The following FLNB variants were observed in gnomAD, a reference collection of about 807,000 sequenced individuals.
FLNB encodes the protein filamin-B.
A neutral mutation model predicts 250.6 loss-of-function variants in FLNB; 111 were observed. The observed-to-expected ratio is 0.44, with a 90% CI of 0.38 to 0.52. The LOEUF (loss-of-function observed/expected upper bound fraction) is 0.52. Among genes scored for constraint, FLNB ranks in the 20% least tolerant of loss-of-function variants. The pLI is 0.00. For missense variants in FLNB, 2,869 were observed against 3,447.8 expected (o/e 0.83, Z 4.20); for synonymous variants, 1,302 against 1,372.1 (o/e 0.95, Z 1.13).
At chr3:58,090,954 T>C (rs1310675586) in intron 4 of FLNB, among the ~76,000 whole-genome samples, 1 of 151,986 alleles carries the variant, frequency 6.6e-6, no homozygotes, top group Non-Finnish European at 1.5e-5. Context: ...GGTGGGTGCC[T>C]GTAGTCCCAG....
At position 58,112,285 on chromosome 3, in the gene FLNB, C is replaced by T; in HGVS notation, c.2712C>T (p.Tyr904=). 3.7e-6 allele frequency: 6 copies of T among 1,613,916 alleles called. No individual in the cohort carries two copies. The highest frequency in any genetic ancestry group is 4.2e-6 in the Non-Finnish European group (5 of 1,180,034). ...KDLDIIDNYD[Y]SHTVKYTPTQ... is the part of the protein sequence containing the mutation. ...TGGATATCATCGATAATTATGACTA[C>T]TCTCACACGGTTAAATATACACCCA... The change falls in exon 18 of 46, where the codon TAC becomes TAT. Residue 904 remains tyrosine, a synonymous_variant. Coordinates refer to ENST00000295956, the MANE Select transcript of FLNB (RefSeq NM_001457.4).
intron 4 of FLNB, among the ~76,000 whole-genome samples, chr3:58,086,954 T>C (rs1034288236): frequency 3.9e-5 from 6 of 151,994 alleles, no homozygotes; most frequent in African/African-American, 1.4e-4. Flanking sequence ...TTACCAAAAA[T>C]ACAAAAATTA....
chr3:58,129,058 C>T (rs1388996631), intron 24 of FLNB, among the ~76,000 whole-genome samples: 1 of 152,204 alleles, frequency 6.6e-6, no homozygotes, highest in Admixed American at 6.5e-5. Context: ...GGCTACCTGC[C>T]ACCTTCTAAT....
intron 1 of FLNB, among the ~76,000 whole-genome samples, chr3:58,064,627 C>T (rs1289653172): frequency 6.6e-6 from 1 of 151,986 alleles, no homozygotes; most frequent in Non-Finnish European, 1.5e-5. Context: ...TCCCTGATTC[C>T]CTCAAGGAGT....
intron 1 of FLNB, among the ~76,000 whole-genome samples, chr3:58,058,988 C>T (rs549695475): frequency 6.6e-6 from 1 of 152,270 alleles, no homozygotes; most frequent in East Asian, 1.9e-4. Flanking sequence ...TTTAAACATC[C>T]GCTAGTCCAA....
At chr3:58,025,133 C>CTTTTTTTTTTTTTTT in intron 1 of FLNB, among the ~76,000 whole-genome samples, 1 of 116,550 alleles carries the variant, frequency 8.6e-6, no homozygotes, top group African/African-American at 3.4e-5. Context: ...TTCTTTCTTT[C>CTTTTTTTTTTTTTTT]TTTTTTTTTT....
chr3:58,111,718 C>A, intron 16 of FLNB, 73 bp from the exon 17 acceptor site: 1 of 1,098,300 alleles, frequency 9.1e-7, no homozygotes, highest in South Asian at 1.3e-5. Context: ...AAGGTTCACC[C>A]TTTGTTGAAG....
chr3:58,099,218 G>A (rs560585341), intron 8 of FLNB, among the ~76,000 whole-genome samples: 4 of 152,318 alleles, frequency 2.6e-5, no homozygotes, highest in Non-Finnish European at 4.4e-5. Context: ...GGACTCGGTA[G>A]CATAACTGAA....
At chr3:58,032,262 C>A (rs1231101463) in intron 1 of FLNB, among the ~76,000 whole-genome samples, 4 of 152,026 alleles carry the variant, frequency 2.6e-5, no homozygotes, top group Non-Finnish European at 5.9e-5. Context: ...CAAGTTTGGG[C>A]CCAGTTTATA....
chr3:58,126,458 A>C, intron 23 of FLNB, 144 bp from the exon 24 acceptor site: 1 of 714,178 alleles, frequency 1.4e-6, no homozygotes, highest in African/African-American at 1.7e-5. Context: ...TACTAATGTG[A>C]AATTCCCTAT....
chr3:58,141,890 G>A lies in FLNB; in HGVS notation c.5142G>A (p.Glu1714=). The part of the protein sequence containing the change: ...ATDGEVTAVE[E]APVNACPPGF... The stretch of plus-strand genomic sequence containing the variant: ...ATGGGGAAGTCACAGCCGTGGAGGA[G>A]GCACCGGTAAATGCATGTCCCCCTG... The change falls in exon 30 of 46, where the codon GAG becomes GAA. Residue 1714 remains glutamate, a synonymous_variant. Transcript: ENST00000295956. 1 of 1,614,206 alleles carries A rather than the reference G, an allele frequency of 6.2e-7. No individual in the cohort carries two copies. Among genetic ancestry groups the A allele is most frequent in the Non-Finnish European group, 8.5e-7 (1 of 1,180,034 alleles).
intron 1 of FLNB, among the ~76,000 whole-genome samples, chr3:58,022,382 C>T (rs188784429): frequency 1.3e-3 from 196 of 152,254 alleles, no homozygotes; most frequent in Non-Finnish European, 2.1e-3. Context: ...TGGAACACTT[C>T]GTTTTTGGAC....
chr3:58,046,043 T>C (rs1576629489), intron 1 of FLNB, among the ~76,000 whole-genome samples: 2 of 139,194 alleles, frequency 1.4e-5, no homozygotes, highest in South Asian at 2.4e-4. Context: ...TTGGTTCTAA[T>C]AGAATACCTT....
chr3:58,142,866 T>G lies in FLNB; in HGVS notation c.5284+114T>G. On this transcript the variant is annotated intron_variant, in intron 31 of 45. Coordinates refer to ENST00000295956, the MANE Select transcript of FLNB (RefSeq NM_001457.4). The surrounding 1 kb of genome is among the most constrained non-coding windows in gnomAD (Gnocchi z 4.3). ...CAGACCCAGGCTCCTTAACCCAGGGTCACGAGTTCTTGGTCTCCGGTGTTG... is the reference window on the plus strand; with the variant it reads ...CAGACCCAGGCTCCTTAACCCAGGGGCACGAGTTCTTGGTCTCCGGTGTTG... 1 of 883,124 alleles carries G rather than the reference T, an allele frequency of 1.1e-6. No homozygotes were observed. Among genetic ancestry groups the G allele is most frequent in the Non-Finnish European group, 1.9e-6 (1 of 539,372 alleles). The allele number at this position is 883,124 out of a possible 1,614,324, so 54.7% of individuals were successfully genotyped here.
intron 3 of FLNB, among the ~76,000 whole-genome samples, chr3:58,079,312 G>A (rs896250110): frequency 4.0e-5 from 6 of 151,502 alleles, no homozygotes; most frequent in Admixed American, 3.9e-4. Context: ...GAGTGCAGTG[G>A]TGTGATCTCC....
At chr3:58,144,637 G>C (rs947118591) in intron 32 of FLNB, among the ~76,000 whole-genome samples, 4 of 152,210 alleles carry the variant, frequency 2.6e-5, no homozygotes, top group African/African-American at 9.6e-5. Flanking sequence ...GGCAATGCTA[G>C]GGCCCCAGTG....
chr3:58,041,043 A>G (rs1333923805), intron 1 of FLNB, among the ~76,000 whole-genome samples: 4 of 152,064 alleles, frequency 2.6e-5, no homozygotes, highest in African/African-American at 2.4e-5. Flanking sequence ...TGTCACTTAC[A>G]TGAGGTCTGA....
At chr3:58,149,213 G>A (rs1027317852) in intron 36 of FLNB, 8 of 345,146 alleles carry the variant, frequency 2.3e-5, no homozygotes, top group African/African-American at 1.7e-4. Context: ...CAAGACCATG[G>A]TCATCTGAGC....
chr3:58,048,514 A>G (rs2097157576), intron 1 of FLNB, among the ~76,000 whole-genome samples: 1 of 152,174 alleles, frequency 6.6e-6, no homozygotes, highest in Non-Finnish European at 1.5e-5. Context: ...GGTCATAGGT[A>G]CTTCCCACTG....
Sources: allele counts gnomAD v4.1 joint callset (sites outside exome capture counted in the v4.1 genomes callset), GRCh38; gene constraint gnomAD v4.1.1; non-coding constraint Gnocchi (gnomAD v3.1); transcripts MANE v1.5; gene names NCBI Gene and HGNC (gene_info 2026-07-23, HGNC 2026-07-21).